Variants in THSD7A observed in about 807,000 individuals in gnomAD.
THSD7A encodes thrombospondin type 1 domain containing 7A.
Under a neutral mutation model 231.3 loss-of-function variants are expected in THSD7A, and 96 were observed. The observed-to-expected ratio is 0.41, with a 90% confidence interval of 0.35 to 0.49. The LOEUF (loss-of-function observed/expected upper bound fraction) is 0.49. Among genes scored for constraint, THSD7A ranks in the 20% least tolerant of loss-of-function variants. The pLI, the probability that THSD7A is intolerant of heterozygous loss-of-function variation, is 0.05. For synonymous variants in THSD7A, 940 were observed against 743.3 expected, an observed-to-expected ratio of 1.26 and a Z score of -4.30; for missense variants, 2,290 against 2,070.2, an observed-to-expected ratio of 1.11 and a Z score of -2.06.
At chr7:11,545,960 C>T (rs990104641) in intron 4 of THSD7A, among the ~76,000 whole-genome samples, 2 of 152,152 alleles carry the variant, frequency 1.3e-5, no homozygotes, top group Non-Finnish European at 2.9e-5. Flanking sequence ...CTCAGCACCC[C>T]CTATCTTCCA....
intron 1 of THSD7A, among the ~76,000 whole-genome samples, chr7:11,739,374 A>G (rs12667512): frequency 0.19 from 29,266 of 151,874 alleles, 3,677 homozygotes; most frequent in African/African-American, 0.35. Context: ...AAGTATTTTA[A>G]AAAGTGGGAA....
intron 1 of THSD7A, among the ~76,000 whole-genome samples, chr7:11,766,798 C>T (rs960107858): frequency 1.3e-5 from 2 of 152,022 alleles, no homozygotes; most frequent in African/African-American, 2.4e-5. Flanking sequence ...ACAGTTTAGC[C>T]AATGCAACGA....
intron 13 of THSD7A, 30 bp from the exon 14 acceptor site, chr7:11,429,155 T>C: frequency 1.3e-6 from 2 of 1,531,272 alleles, no homozygotes; most frequent in Non-Finnish European, 1.8e-6. Flanking sequence ...ACAAGAATCA[T>C]CTCCTCCACC....
chr7:11,478,074 TCTCA>T (rs1786268817), intron 7 of THSD7A, among the ~76,000 whole-genome samples: 1 of 152,234 alleles, frequency 6.6e-6, no homozygotes, highest in East Asian at 1.9e-4. Flanking sequence ...AAAAACCAAC[TCTCA>T]CTATGTTAAA....
chr7:11,733,263 T>G (rs1781798736), intron 1 of THSD7A, among the ~76,000 whole-genome samples: 1 of 151,826 alleles, frequency 6.6e-6, no homozygotes, highest in South Asian at 2.1e-4. Context: ...CACTTTATAT[T>G]ATGTCAGTAA....
intron 17 of THSD7A, among the ~76,000 whole-genome samples, chr7:11,415,739 A>T (rs1223743543): frequency 6.6e-6 from 1 of 152,168 alleles, no homozygotes; most frequent in Non-Finnish European, 1.5e-5. Context: ...AACCTCCTGA[A>T]CACCTCTTCA....
chr7:11,480,463 A>G (rs1386785331), intron 7 of THSD7A, among the ~76,000 whole-genome samples: 1 of 152,194 alleles, frequency 6.6e-6, no homozygotes, highest in Non-Finnish European at 1.5e-5. Context: ...ATCTGAGCTG[A>G]TAGAGTTTAA....
At chr7:11,680,807 T>C (rs1783838312) in intron 1 of THSD7A, among the ~76,000 whole-genome samples, 1 of 152,098 alleles carries the variant, frequency 6.6e-6, no homozygotes, top group South Asian at 2.1e-4. Flanking sequence ...TCCTCAAGGA[T>C]CTAGAACCAG....
intron 1 of THSD7A, among the ~76,000 whole-genome samples, chr7:11,698,516 T>A (rs1440648239): frequency 5.3e-5 from 8 of 151,408 alleles, no homozygotes; most frequent in Non-Finnish European, 1.0e-4. Flanking sequence ...AAATTGCAAG[T>A]AGCCAGGCAA....
In THSD7A at chr7:11,406,634, A is replaced by G. The variant is rs145753881; in HGVS notation, c.4063-160T>C. Among the ~76,000 whole-genome samples, 6 of 152,238 alleles carry G rather than the reference A, an allele frequency of 3.9e-5. No homozygotes were observed. Among genetic ancestry groups the G allele is most frequent in the Non-Finnish European group, 8.8e-5 (6 of 68,042 alleles). The stretch of plus-strand genomic sequence containing the variant: ...CCCTATAGGGCACTAGCAATAAAGC[A>G]TACATTGAACAATTTGTTTCCTAGC... On this transcript the variant is annotated intron_variant, in intron 21 of 27. Transcript: ENST00000423059. The surrounding 1 kb of genome is among the most constrained non-coding windows in gnomAD (Gnocchi z 4.7).
intron 1 of THSD7A, among the ~76,000 whole-genome samples, chr7:11,742,373 C>A (rs531932116): frequency 6.6e-6 from 1 of 151,826 alleles, no homozygotes; most frequent in Non-Finnish European, 1.5e-5. Flanking sequence ...AAAAAATACG[C>A]CCTTTGCCTA....
At chr7:11,462,593 ATTTC>A (rs1345577728) in intron 9 of THSD7A, among the ~76,000 whole-genome samples, 1 of 152,130 alleles carries the variant, frequency 6.6e-6, no homozygotes, top group Non-Finnish European at 1.5e-5. Flanking sequence ...GTGAAATTTT[ATTTC>A]TTTGTTATTC....
intron 13 of THSD7A, among the ~76,000 whole-genome samples, chr7:11,436,758 AAGATAGTT>A (rs1784646883): frequency 2.6e-5 from 4 of 152,006 alleles, no homozygotes; most frequent in Admixed American, 2.6e-4. Context: ...CCAAAAGCTT[AAGATAGTT>A]TCTTCTTCCT....
intron 1 of THSD7A, among the ~76,000 whole-genome samples, chr7:11,641,817 T>TACAAGGGCCACCTTGTAG (rs1487735845): frequency 1.3e-5 from 2 of 152,036 alleles, no homozygotes; most frequent in African/African-American, 4.8e-5. Flanking sequence ...AGGCTTTAAC[T>TACAAGGGCCACCTTGTAG]GCCCTTATCT....
chr7:11,473,760 G>A (rs1169282028), intron 8 of THSD7A, among the ~76,000 whole-genome samples: 1 of 151,994 alleles, frequency 6.6e-6, no homozygotes, highest in African/African-American at 2.4e-5. Flanking sequence ...AAAGCACCCT[G>A]AGAAAATGAT....
rs187402507 is a variant in THSD7A at position 11,667,115 on chromosome 7, C to T, written c.191-30154G>A. On this transcript the variant is annotated intron_variant, in intron 1 of 27. Transcript: ENST00000423059. ...TGGTTTTTGATTACATGGATAAGTT[C>T]GTTAGTGGTGATGATTTCTGACATT... 9.9e-5 allele frequency among the ~76,000 whole-genome samples: 15 copies of T among 151,936 alleles called. No individual in the cohort carries two copies. The South Asian group carries it at 2.7e-3, about 27-fold the overall frequency.
At chr7:11,456,859 G>C (rs1055565525) in intron 11 of THSD7A, among the ~76,000 whole-genome samples, 1 of 151,978 alleles carries the variant, frequency 6.6e-6, no homozygotes, top group African/African-American at 2.4e-5. Context: ...CATATAGATT[G>C]ATAAAAGTCA....
intron 1 of THSD7A, among the ~76,000 whole-genome samples, chr7:11,735,874 AAAATATTCTTC>A (rs1191472480): frequency 1.3e-5 from 2 of 152,000 alleles, no homozygotes; most frequent in Admixed American, 1.3e-4. Flanking sequence ...CATACACATG[AAAATATTCTTC>A]ATTATGTGAA....
chr7:11,421,917 C>G (rs985469611), intron 16 of THSD7A, among the ~76,000 whole-genome samples: 7 of 152,126 alleles, frequency 4.6e-5, no homozygotes, highest in African/African-American at 1.7e-4. Flanking sequence ...TTTATAATCA[C>G]CCTAGAATAC....
Sources: gnomAD v4.1 joint callset for allele counts (sites outside exome capture counted in the v4.1 genomes callset) on GRCh38, gnomAD v4.1.1 for gene constraint, Gnocchi (gnomAD v3.1) non-coding constraint, MANE v1.5 for transcripts, NCBI Gene and HGNC (gene_info 2026-07-23, HGNC 2026-07-21) for gene names.